The following TENM3 variants were observed in gnomAD, a reference collection of about 807,000 sequenced individuals.
The protein encoded by TENM3 is teneurin transmembrane protein 3, also known as teneurin-3.
Under a neutral mutation model 255.1 loss-of-function variants are expected in TENM3, and 63 were observed. The observed-to-expected ratio is 0.25, with a 90% CI of 0.20 to 0.30. The LOEUF is 0.30. Ranked by LOEUF, TENM3 falls within the 10% of genes least tolerant of loss-of-function variation. The probability of loss-of-function intolerance (pLI) is 1.00; values close to 1 mark genes in which losing one functional copy is unlikely to be tolerated. For missense variants in TENM3, 2,929 were observed against 3,461.1 expected (o/e 0.85, Z 3.86); for synonymous variants, 1,306 against 1,322.3 (o/e 0.99, Z 0.27).
At chr4:182,094,552 C>A in the TENM3 span, among the ~76,000 whole-genome samples, 3 of 152,072 alleles carry the variant, frequency 2.0e-5, no homozygotes, top group Non-Finnish European at 2.9e-5. Context: ...AGCCAGCCAG[C>A]CTTATTCTTA....
chr4:181,635,141 C>G, the TENM3 span, among the ~76,000 whole-genome samples: 1 of 152,138 alleles, frequency 6.6e-6, no homozygotes, highest in Non-Finnish European at 1.5e-5. Flanking sequence ...AAAATTTTCT[C>G]TGCATCAGCA....
At chr4:182,648,800 A>G (rs1752993028) in intron 5 of TENM3, among the ~76,000 whole-genome samples, 1 of 152,052 alleles carries the variant, frequency 6.6e-6, no homozygotes, top group Non-Finnish European at 1.5e-5. Context: ...TTTGAACTTT[A>G]TATACATGAA....
rs571273371 is a variant in TENM3, at chr4:182,179,536, T to A, written c.-76+34782T>A. The stretch of plus-strand genomic sequence containing the variant: ...ATCACAATATATAATAGAACTAAAA[T>A]TTTTAAAAAGCAGTGTATCTATTAT... On this transcript the variant is annotated intron_variant, in intron 1 of 2. Transcript: ENST00000512480. 3.2e-4 allele frequency among the ~76,000 whole-genome samples: 49 copies of A among 152,338 alleles called. 2 individuals carry two copies. The South Asian group carries it at 9.7e-3, about 30-fold the overall frequency.
At chr4:182,000,858 G>T in the TENM3 span, among the ~76,000 whole-genome samples, 1 of 151,922 alleles carries the variant, frequency 6.6e-6, no homozygotes, top group East Asian at 1.9e-4. Flanking sequence ...AAGTTGATTA[G>T]GGAGAATAAG....
intron 6 of TENM3, 93 bp from the exon 7 acceptor site, chr4:182,672,912 G>A: frequency 1.1e-6 from 1 of 932,470 alleles, no homozygotes; most frequent in Non-Finnish European, 1.6e-6. Context: ...TGAGCATTTG[G>A]TAAAAATAAC....
chr4:181,644,273 G>C, the TENM3 span, among the ~76,000 whole-genome samples: 1 of 151,964 alleles, frequency 6.6e-6, no homozygotes, highest in Non-Finnish European at 1.5e-5. Flanking sequence ...ATGAACAGAA[G>C]GGGGAATATT....
At chr4:181,741,828 T>C in the TENM3 span, among the ~76,000 whole-genome samples, 1 of 152,148 alleles carries the variant, frequency 6.6e-6, no homozygotes, top group Non-Finnish European at 1.5e-5. Flanking sequence ...GACTACCAGA[T>C]CCAAGTTTTC....
At chr4:181,859,241 TCAA>T in the TENM3 span, among the ~76,000 whole-genome samples, 1 of 14,508 alleles carries the variant, frequency 6.9e-5, no homozygotes. Flanking sequence ...AGACTCGGTC[TCAA>T]AAAAAAAAAA....
At chr4:182,431,909 T>G (rs149445827) in intron 3 of TENM3, among the ~76,000 whole-genome samples, 2,954 of 151,946 alleles carry the variant, frequency 0.019, 70 homozygotes, top group East Asian at 0.1. Context: ...AAACCCCATC[T>G]CTACTAAAAA....
the TENM3 span, among the ~76,000 whole-genome samples, chr4:181,680,455 A>G: frequency 2.0e-5 from 3 of 152,136 alleles, no homozygotes; most frequent in African/African-American, 7.2e-5. Context: ...CAGTCAAACT[A>G]CAGGTCGATA....
rs1187881070 is a variant in TENM3, at chr4:182,729,199, A to G, written c.2585+18A>G. The G allele has an allele frequency of 1.3e-6, 2 of 1,586,238 alleles. No individual in the cohort carries two copies. The highest frequency in any genetic ancestry group is 1.7e-6 in the Non-Finnish European group (2 of 1,154,874). On this transcript the variant is annotated intron_variant, in intron 14 of 27. Coordinates refer to ENST00000511685, the MANE Select transcript of TENM3 (RefSeq NM_001080477.4). ...AATAAGAGGTTAATGCTTCTTTTCC[A>G]TATGTAGATTTGTAATGATGTTATC...
chr4:181,922,411 A>C, the TENM3 span, among the ~76,000 whole-genome samples: 21 of 152,094 alleles, frequency 1.4e-4, no homozygotes, highest in Admixed American at 2.0e-4. Flanking sequence ...ACAATTTCAG[A>C]GCCTGTTATT....
chr4:181,620,280 A>T, the TENM3 span, among the ~76,000 whole-genome samples: 2 of 151,660 alleles, frequency 1.3e-5, no homozygotes, highest in Admixed American at 6.6e-5. Context: ...ATAAAAATAA[A>T]ATAAAATAAA....
chr4:182,763,782 T>C (rs1314890307), intron 22 of TENM3, among the ~76,000 whole-genome samples: 1 of 152,184 alleles, frequency 6.6e-6, no homozygotes, highest in Admixed American at 6.5e-5. Context: ...TCAGGATGAC[T>C]AAACCTCAAA....
the TENM3 span, among the ~76,000 whole-genome samples, chr4:181,550,935 T>G: frequency 7.3e-6 from 1 of 136,768 alleles, no homozygotes; most frequent in African/African-American, 2.5e-5. Flanking sequence ...ATGTCCCCAT[T>G]CCTGTAAGTC....
the TENM3 span, among the ~76,000 whole-genome samples, chr4:181,642,362 T>C: frequency 6.6e-6 from 1 of 152,230 alleles, no homozygotes; most frequent in Non-Finnish European, 1.5e-5. Context: ...TTGTAGATTC[T>C]GGATGTTATC....
the TENM3 span, among the ~76,000 whole-genome samples, chr4:181,621,507 G>A: frequency 2.6e-5 from 4 of 152,080 alleles, no homozygotes; most frequent in African/African-American, 9.7e-5. Context: ...CCTCTGGCTG[G>A]CTACCTTAGA....
the TENM3 span, among the ~76,000 whole-genome samples, chr4:181,861,707 G>T: frequency 5.3e-5 from 8 of 152,020 alleles, no homozygotes; most frequent in African/African-American, 1.9e-4. Context: ...TCTTTGATTT[G>T]GTTAGCTCCG....
intron 12 of TENM3, among the ~76,000 whole-genome samples, chr4:182,708,797 C>CAAAAA (rs530056176): frequency 2.9e-5 from 3 of 104,404 alleles, no homozygotes; most frequent in South Asian, 6.9e-4. Context: ...GACTCCGTCT[C>CAAAAA]AAAAAAAAAA....
Sources: allele counts gnomAD v4.1 joint callset (sites outside exome capture counted in the v4.1 genomes callset), GRCh38; gene constraint gnomAD v4.1.1; transcripts MANE v1.5; gene names NCBI Gene and HGNC (gene_info 2026-07-23, HGNC 2026-07-21).